Variants in INPP5F observed in about 807,000 individuals in gnomAD.
The protein encoded by INPP5F is inositol polyphosphate-5-phosphatase F, also known as phosphatidylinositide 4-phosphatase SAC2.
INPP5F carries 97 observed loss-of-function variants against 137.2 expected under a neutral mutation model. The observed-to-expected ratio is 0.71, with a 90% confidence interval of 0.60 to 0.84. The LOEUF is 0.84. Among genes scored for constraint, INPP5F ranks in the 40% least tolerant of loss-of-function variants. The pLI is 0.00. For synonymous variants in INPP5F, 504 were observed against 476.9 expected, an observed-to-expected ratio of 1.06 and a Z score of -0.74; for missense variants, 1,271 against 1,371.9, an observed-to-expected ratio of 0.93 and a Z score of 1.16.
intron 6 of INPP5F, among the ~76,000 whole-genome samples, 172 bp downstream of exon 6, chr10:119,792,385 G>C (rs1313763990): frequency 6.6e-6 from 1 of 152,128 alleles, no homozygotes; most frequent in African/African-American, 2.4e-5. Flanking sequence ...GAAAACCAAG[G>C]CATTATTTTA....
intron 3 of INPP5F, among the ~76,000 whole-genome samples, chr10:119,789,183 C>G (rs1351162785): frequency 1.3e-5 from 2 of 151,484 alleles, no homozygotes; most frequent in African/African-American, 4.9e-5. Flanking sequence ...CGAAACTGCG[C>G]CATTACACTC....
At chr10:119,760,877 T>A (rs1423316162) in intron 2 of INPP5F, among the ~76,000 whole-genome samples, 2 of 152,222 alleles carry the variant, frequency 1.3e-5, no homozygotes, top group Non-Finnish European at 2.9e-5. Flanking sequence ...TTGTCTTTAG[T>A]ATGCTGGAGT....
At chr10:119,783,193 A>G (rs1849765798) in intron 3 of INPP5F, among the ~76,000 whole-genome samples, 1 of 152,172 alleles carries the variant, frequency 6.6e-6, no homozygotes, top group Admixed American at 6.5e-5. Flanking sequence ...TTTTTGGGTG[A>G]AGAGCAGCCA....
At position 119,823,084 on chromosome 10, in the gene INPP5F, T is replaced by A. The variant is rs568663130; in HGVS notation, c.2046T>A (p.Thr682=). Residue 682 remains threonine (T), a synonymous_variant, in exon 18 of 20, where the codon ACT becomes ACA. Coordinates refer to ENST00000650623, the MANE Select transcript of INPP5F (RefSeq NM_014937.4). ...LEKIEIGPEP[T]LFGKPKFSCM... Reference sequence around the variant, plus strand: ...TTGGGATTTTAGGCCCTGAACCCACTCTTTTTGGTAAGCCAAAGTTCTCCT... The same window carrying A: ...TTGGGATTTTAGGCCCTGAACCCACACTTTTTGGTAAGCCAAAGTTCTCCT... 1.2e-6 allele frequency: 2 copies of A among 1,613,482 alleles called. No individual in the cohort carries two copies. Among genetic ancestry groups the A allele is most frequent in the South Asian group, 1.1e-5 (1 of 90,830 alleles).
intron 2 of INPP5F, among the ~76,000 whole-genome samples, chr10:119,775,919 AT>A (rs1381794233): frequency 9.2e-5 from 14 of 152,340 alleles, no homozygotes; most frequent in Admixed American, 3.9e-4. Context: ...GGTATTAAAA[AT>A]ATAGACATAA....
chr10:119,786,692 T>A (rs1849930447), intron 3 of INPP5F, among the ~76,000 whole-genome samples: 1 of 151,808 alleles, frequency 6.6e-6, no homozygotes, highest in African/African-American at 2.4e-5. Context: ...TTTTTTTTTC[T>A]ATTTTTTGAA....
At chr10:119,795,678 C>T (rs1362649372) in intron 6 of INPP5F, among the ~76,000 whole-genome samples, 5 of 152,070 alleles carry the variant, frequency 3.3e-5, no homozygotes, top group African/African-American at 1.2e-4. Flanking sequence ...GACGGGGTGG[C>T]GGCCGGGCAG....
chr10:119,729,692 C>T (rs2134096255), intron 1 of INPP5F, among the ~76,000 whole-genome samples: 1 of 151,550 alleles, frequency 6.6e-6, no homozygotes, highest in South Asian at 2.1e-4. Flanking sequence ...TTCCTCCCAC[C>T]TCAGTCCCCC....
intron 3 of INPP5F, among the ~76,000 whole-genome samples, chr10:119,789,219 C>CT (rs560556137): frequency 1.2e-3 from 180 of 147,352 alleles, no homozygotes; most frequent in African/African-American, 4.4e-3. Context: ...GAGCGAAACT[C>CT]TGTCTCAAAA....
At chr10:119,750,667 A>G (rs879837014) in intron 1 of INPP5F, among the ~76,000 whole-genome samples, 51 of 152,154 alleles carry the variant, frequency 3.4e-4, no homozygotes, top group Admixed American at 1.2e-3. Context: ...GGGAAAATGT[A>G]TTTTCCAGAG....
Position 119,820,832 on chromosome 10 carries a change from T to C in INPP5F, c.1887-14T>C, listed in dbSNP as rs778655031. 8.2e-6 allele frequency: 13 copies of C among 1,585,790 alleles called. No individual in the cohort carries two copies. Among genetic ancestry groups the C allele is most frequent in the Non-Finnish European group, 1.1e-5 (13 of 1,154,296 alleles). ...AAATGAAAATACTTAATCTCCTGTG[T>C]CATATTTGTTTAGCCTCATTGATGC... On this transcript the variant is annotated splice_polypyrimidine_tract_variant and intron_variant, in intron 15 of 19. Transcript: ENST00000650623.
At chr10:119,757,724 G>A (rs1848890901) in intron 2 of INPP5F, among the ~76,000 whole-genome samples, 1 of 152,104 alleles carries the variant, frequency 6.6e-6, no homozygotes, top group Non-Finnish European at 1.5e-5. Flanking sequence ...CCGGGAGGTG[G>A]ATGCTGCAGT....
chr10:119,731,231 A>G (rs1208794894), intron 1 of INPP5F, among the ~76,000 whole-genome samples: 1 of 152,084 alleles, frequency 6.6e-6, no homozygotes, highest in Non-Finnish European at 1.5e-5. Context: ...ATGAGAAATC[A>G]TAATTATGGA....
intron 19 of INPP5F, among the ~76,000 whole-genome samples, chr10:119,825,209 T>G (rs1408247279): frequency 6.6e-6 from 1 of 152,222 alleles, no homozygotes; most frequent in African/African-American, 2.4e-5. Flanking sequence ...ACAGATACCT[T>G]TGTCATGTAT....
intron 1 of INPP5F, among the ~76,000 whole-genome samples, chr10:119,740,414 T>G (rs557389669): frequency 6.6e-6 from 1 of 152,354 alleles, no homozygotes; most frequent in East Asian, 1.9e-4. Context: ...AATAGAATTC[T>G]GGGGCATATC....
At chr10:119,740,076 C>T (rs1373822493) in intron 1 of INPP5F, among the ~76,000 whole-genome samples, 1 of 152,050 alleles carries the variant, frequency 6.6e-6, no homozygotes, top group Non-Finnish European at 1.5e-5. Context: ...GAAATTTTGT[C>T]AGGTATTGTT....
intron 9 of INPP5F, chr10:119,799,365 G>T (rs907347507): frequency 1.2e-5 from 5 of 413,090 alleles, no homozygotes; most frequent in African/African-American, 1.1e-4. Context: ...AAGATAGCAT[G>T]TATATGGAGG....
At chr10:119,749,819 C>A (rs932361905) in intron 1 of INPP5F, among the ~76,000 whole-genome samples, 3 of 152,164 alleles carry the variant, frequency 2.0e-5, no homozygotes, top group African/African-American at 7.2e-5. Context: ...CGCACTGTTG[C>A]CTGGGCTGGA....
Position 119,728,102 on chromosome 10 carries a change from T to C in INPP5F, c.97+1743T>C, listed in dbSNP as rs530181835. On this transcript the variant is annotated intron_variant, in intron 1 of 19. Coordinates refer to ENST00000650623, the MANE Select transcript of INPP5F (RefSeq NM_014937.4). ...GATTACTGTTTGTTCAAAGTCCATGTCAGAAGGCAAATTTAAAACTTTTTT... is the reference window on the plus strand; with the variant it reads ...GATTACTGTTTGTTCAAAGTCCATGCCAGAAGGCAAATTTAAAACTTTTTT... Among the ~76,000 whole-genome samples, 4 of 152,388 alleles carry C rather than the reference T, an allele frequency of 2.6e-5. No individual in the cohort carries two copies. In the South Asian group the frequency reaches 8.3e-4, roughly 32 times the overall value.
Sources: gnomAD v4.1 joint callset for allele counts (sites outside exome capture counted in the v4.1 genomes callset) on GRCh38, gnomAD v4.1.1 for gene constraint, MANE v1.5 for transcripts, NCBI Gene and HGNC (gene_info 2026-07-23, HGNC 2026-07-21) for gene names.